Variants in KCNT1 observed in about 807,000 individuals in gnomAD.
The protein encoded by KCNT1 is potassium channel subfamily T member 1.
A neutral mutation model predicts 147.8 loss-of-function variants in KCNT1; 78 were observed. The observed-to-expected ratio is 0.53, with a 90% CI of 0.44 to 0.64. The LOEUF is 0.64. KCNT1 is among the 30% of genes least tolerant of loss of function. The pLI is 0.00. For missense variants in KCNT1, 1,419 were observed against 1,750.3 expected (o/e 0.81, Z 3.38); for synonymous variants, 867 against 748.8 (o/e 1.16, Z -2.58).
intron 4 of KCNT1, 118 bp from the exon 5 acceptor site, chr9:135,753,819 C>A: frequency 9.9e-7 from 1 of 1,006,322 alleles, no homozygotes; most frequent in Non-Finnish European, 1.6e-6. Flanking sequence ...GGGGGTTAGC[C>A]CCGGGTGGGT....
chr9:135,779,553 G>T, intron 24 of KCNT1, 83 bp downstream of exon 24: 1 of 1,058,034 alleles, frequency 9.5e-7, no homozygotes. Context: ...AAGGGGGCCA[G>T]TGCCATGGGA....
intron 2 of KCNT1, among the ~76,000 whole-genome samples, chr9:135,718,752 C>T (rs911432722): frequency 8.5e-5 from 13 of 152,210 alleles, no homozygotes; most frequent in African/African-American, 2.4e-4. Flanking sequence ...AGGCTGTGAG[C>T]GAGCAGGTGG....
intron 2 of KCNT1, among the ~76,000 whole-genome samples, chr9:135,731,972 A>ATATG (rs1392631168): frequency 3.3e-5 from 1 of 30,416 alleles, no homozygotes; most frequent in Non-Finnish European, 6.7e-5. Flanking sequence ...ATATATATAT[A>ATATG]TATATATATA....
intron 1 of KCNT1, among the ~76,000 whole-genome samples, chr9:135,704,662 T>C (rs908929227): frequency 6.6e-6 from 1 of 152,186 alleles, no homozygotes; most frequent in African/African-American, 2.4e-5. Flanking sequence ...TTCCTGGAAA[T>C]ACCACTTCCC....
intron 2 of KCNT1, among the ~76,000 whole-genome samples, chr9:135,719,789 G>A (rs972019317): frequency 1.3e-5 from 2 of 152,204 alleles, no homozygotes; most frequent in African/African-American, 4.8e-5. Context: ...CTGGTGCCAT[G>A]GGGCCCAGGC....
intron 2 of KCNT1, among the ~76,000 whole-genome samples, chr9:135,745,037 G>A (rs866410731): frequency 6.6e-5 from 10 of 152,354 alleles, no homozygotes; most frequent in Admixed American, 6.5e-5. Context: ...GTCGGGACCC[G>A]TGGCCGGGGA....
At position 135,788,370 on chromosome 9, in the gene KCNT1, C is replaced by T. The variant is rs370595647; in HGVS notation, c.3502+1849C>T. 1.5e-4 allele frequency among the ~76,000 whole-genome samples: 23 copies of T among 152,384 alleles called. No individual in the cohort carries two copies. In the East Asian group the frequency reaches 1.7e-3, roughly 12 times the overall value. On this transcript the variant is annotated intron_variant, in intron 29 of 30. Coordinates refer to ENST00000371757, the MANE Select transcript of KCNT1 (RefSeq NM_020822.3). ...CTGGGCGTTGAGGACGGGCCTGAGG[C>T]TGAGGTCTGGGGCTTGTGCTAGTCA...
intron 7 of KCNT1, 57 bp downstream of exon 7, chr9:135,756,989 C>CA: frequency 8.5e-7 from 1 of 1,169,696 alleles, no homozygotes; most frequent in Non-Finnish European, 1.2e-6. Context: ...CCCACCCTCC[C>CA]CAGCCTCCCC....
intron 2 of KCNT1, among the ~76,000 whole-genome samples, chr9:135,739,504 C>CCCTCT (rs1186498975): frequency 1.3e-5 from 2 of 152,058 alleles, no homozygotes; most frequent in African/African-American, 4.8e-5. Context: ...TCATGGTTGC[C>CCCTCT]CCTCTCCTCT....
At chr9:135,747,523 C>A (rs1822316129) in intron 2 of KCNT1, among the ~76,000 whole-genome samples, 1 of 152,114 alleles carries the variant, frequency 6.6e-6, no homozygotes, top group African/African-American at 2.4e-5. Context: ...GCAGCCTGGA[C>A]CTCCAGCATC....
chr9:135,746,320 C>A (rs1453531506), intron 2 of KCNT1, among the ~76,000 whole-genome samples: 1 of 152,184 alleles, frequency 6.6e-6, no homozygotes, highest in African/African-American at 2.4e-5. Flanking sequence ...GGCCCACAGC[C>A]CCTCGGTGAG....
intron 24 of KCNT1, among the ~76,000 whole-genome samples, chr9:135,780,890 G>T (rs553253076): frequency 6.6e-6 from 1 of 152,250 alleles, no homozygotes; most frequent in South Asian, 2.1e-4. Flanking sequence ...GGATGCTGCC[G>T]TGGAGTCGGG....
chr9:135,754,122 A>G (rs1208336009), intron 5 of KCNT1, 129 bp downstream of exon 5: 2 of 731,910 alleles, frequency 2.7e-6, no homozygotes, highest in African/African-American at 3.6e-5. Flanking sequence ...GTGGGGTGGG[A>G]TGAGTCTCCA....
chr9:135,775,416 G>T lies in KCNT1; in HGVS notation c.2349+1G>T, dbSNP rs1564377993. 1.2e-6 allele frequency: 2 copies of T among 1,608,366 alleles called. No individual in the cohort carries two copies. Among genetic ancestry groups the T allele is most frequent in the Non-Finnish European group, 1.7e-6 (2 of 1,177,036 alleles). On this transcript the variant is annotated splice_donor_variant, in intron 20 of 30. Transcript: ENST00000371757. LOFTEE classifies it high-confidence loss of function. ...CTTCTGCTGCCTGCGGCTGGACAAG[G>T]TAAGGCTGGCGGCTCTGCCGCGCTC...
chr9:135,788,935 C>T (rs576392100), intron 29 of KCNT1: 1 of 152,314 alleles, frequency 6.6e-6, no homozygotes, highest in African/African-American at 2.4e-5. Flanking sequence ...CTTGAAGGGC[C>T]TCCTGAGCCA....
intron 20 of KCNT1, among the ~76,000 whole-genome samples, chr9:135,776,761 C>T (rs1833200106): frequency 1.3e-5 from 2 of 152,230 alleles, no homozygotes; most frequent in Admixed American, 6.5e-5. Flanking sequence ...TTCTGATGCT[C>T]GGACCCCCTC....
chr9:135,707,596 GGA>G (rs1258244344), intron 1 of KCNT1, among the ~76,000 whole-genome samples: 1 of 152,090 alleles, frequency 6.6e-6, no homozygotes, highest in African/African-American at 2.4e-5. Context: ...ACCCTGAGAT[GGA>G]CTTGCCATCT....
intron 10 of KCNT1, among the ~76,000 whole-genome samples, chr9:135,758,798 C>T (rs1157161454): frequency 6.6e-6 from 1 of 152,218 alleles, no homozygotes; most frequent in Non-Finnish European, 1.5e-5. Flanking sequence ...GGGACTGGCC[C>T]CTAGGCCAGG....
Position 135,706,703 on chromosome 9 carries a change from T to G in KCNT1, c.110+4335T>G, listed in dbSNP as rs138803993. The stretch of plus-strand genomic sequence containing the variant: ...CCTCATGCTTCACAGGCACCAATAG[T>G]GCTTTTGCCTGGGGCAGACCCCAGC... On this transcript the variant is annotated intron_variant, in intron 1 of 30. Transcript: ENST00000371757. 9.3e-3 allele frequency among the ~76,000 whole-genome samples: 1,414 copies of G among 152,274 alleles called. 7 individuals carry two copies. Among genetic ancestry groups the G allele is most frequent in the Middle Eastern group, 0.034 (10 of 294 alleles).
Sources: gnomAD v4.1 joint callset for allele counts (sites outside exome capture counted in the v4.1 genomes callset) on GRCh38, gnomAD v4.1.1 for gene constraint, MANE v1.5 for transcripts, NCBI Gene and HGNC (gene_info 2026-07-23, HGNC 2026-07-21) for gene names.